Variants in MAJIN observed in about 807,000 individuals in gnomAD.
The protein encoded by MAJIN is membrane-anchored junction protein.
Under a neutral mutation model 30.2 loss-of-function variants are expected in MAJIN, and 27 were observed. The ratio of observed to expected loss-of-function variants is 0.89; its 90% CI spans 0.66 to 1.23. The LOEUF (loss-of-function observed/expected upper bound fraction) is 1.23, where lower values mean the gene tolerates loss of function less well. Ranked by LOEUF, MAJIN falls within the 50% of genes most tolerant of loss-of-function variation. The pLI is 0.00. For synonymous variants in MAJIN, 78 were observed against 91.6 expected, an observed-to-expected ratio of 0.85 and a Z score of 0.85; for missense variants, 253 against 260.3, an observed-to-expected ratio of 0.97 and a Z score of 0.19.
intron 6 of MAJIN, 67 bp downstream of exon 6, chr11:64,949,676 C>T (rs560430960): frequency 1.7e-3 from 2,605 of 1,575,348 alleles, no homozygotes; most frequent in Non-Finnish European, 2.1e-3. Flanking sequence ...GCCCCTTTCG[C>T]GATACCTAGC....
chr11:64,938,644 T>C (rs990454516), intron 10 of MAJIN, 71 bp from the exon 11 acceptor site: 4 of 1,482,480 alleles, frequency 2.7e-6, no homozygotes, highest in Admixed American at 2.0e-5. Flanking sequence ...TTCCCATTAG[T>C]GCTTCACTAG....
chr11:64,939,925 T>C, intron 9 of MAJIN, 158 bp from the exon 10 acceptor site: 1 of 589,610 alleles, frequency 1.7e-6, no homozygotes, highest in Non-Finnish European at 2.9e-6. Context: ...CAATTTCATC[T>C]CAGCTCAGTA....
chr11:64,959,484 G>A, intron 2 of MAJIN, 62 bp from the exon 3 acceptor site: 1 of 1,323,668 alleles, frequency 7.6e-7, no homozygotes, highest in Non-Finnish European at 1.1e-6. Flanking sequence ...TACAGGAAAG[G>A]GAACCTGCCC....
In MAJIN at chr11:64,949,820, TC is replaced by T; in HGVS notation, c.271del (p.Glu91LysfsTer4). ...AAATGGGTAGGGGATCAAGATAATTTCCCCATGTTTGAATTTCAGGTGGGAA... is the reference window on the plus strand; with the variant it reads ...AAATGGGTAGGGGATCAAGATAATTTCCCATGTTTGAATTTCAGGTGGGAA... ...RVSHLKFKHGEIILIPYPFVF... is the reference protein window; with the variant it reads ...RVSHLKFKHGXIILIPYPFVF... On this transcript the variant is annotated frameshift_variant, in exon 6 of 11. Transcript: ENST00000301896. LOFTEE classifies it high-confidence loss of function. 6.2e-7 allele frequency: 1 copy of T among 1,610,462 alleles called. No individual in the cohort carries two copies. Among genetic ancestry groups the T allele is most frequent in the South Asian group, 1.1e-5 (1 of 91,076 alleles).
intron 3 of MAJIN, among the ~76,000 whole-genome samples, chr11:64,958,750 G>T (rs187238292): frequency 1.4e-4 from 22 of 152,130 alleles, no homozygotes; most frequent in Admixed American, 1.4e-3. Flanking sequence ...CCAGGTTCAA[G>T]CAATTCTCCT....
In MAJIN at chr11:64,954,815, C is replaced by G. The variant is rs1038109316; in HGVS notation, c.102-13G>C. ...TATCTCTTCTCCTCTAGAAGGTAAACAGACAAGAGACAAGTAAGACATGAA... is the reference window on the plus strand; with the variant it reads ...TATCTCTTCTCCTCTAGAAGGTAAAGAGACAAGAGACAAGTAAGACATGAA... On this transcript the variant is annotated splice_polypyrimidine_tract_variant and intron_variant, in intron 3 of 10. Transcript: ENST00000301896. 4 of 1,602,602 alleles carry G rather than the reference C, an allele frequency of 2.5e-6. No homozygotes were observed. Among genetic ancestry groups the G allele is most frequent in the Non-Finnish European group, 2.6e-6 (3 of 1,175,152 alleles).
At chr11:64,950,203 G>T in intron 5 of MAJIN, 152 bp downstream of exon 5, 1 of 689,540 alleles carries the variant, frequency 1.5e-6, no homozygotes, top group Non-Finnish European at 2.4e-6. Context: ...GGTGGCATGT[G>T]CCTGTAATCC....
intron 10 of MAJIN, 142 bp from the exon 11 acceptor site, chr11:64,938,715 A>T: frequency 5.8e-6 from 5 of 862,586 alleles, no homozygotes; most frequent in Non-Finnish European, 9.0e-6. Context: ...TAGCATTTGA[A>T]AAGGTACCCA....
chr11:64,957,202 C>A (rs1166802898), intron 3 of MAJIN, among the ~76,000 whole-genome samples: 3 of 152,054 alleles, frequency 2.0e-5, no homozygotes, highest in Non-Finnish European at 4.4e-5. Context: ...CCTTAGCCTT[C>A]CAAGCAGCTG....
intron 10 of MAJIN, among the ~76,000 whole-genome samples, chr11:64,939,393 C>A (rs1945338690): frequency 6.6e-6 from 1 of 152,254 alleles, no homozygotes; most frequent in Admixed American, 6.5e-5. Flanking sequence ...AGCCACCCGG[C>A]CTGGCCCAAG....
Position 64,947,810 on chromosome 11 carries a change from A to G in MAJIN, c.359T>C (p.Ile120Thr). The G allele has an allele frequency of 6.2e-7, 1 of 1,602,322 alleles. No individual in the cohort carries two copies. The highest frequency in any genetic ancestry group is 1.1e-5 in the South Asian group (1 of 90,808). Residue 120 changes from isoleucine (I) to threonine (T), a missense_variant, in exon 7 of 11, where the codon ATA becomes ACA. Transcript: ENST00000301896. ...TACCAACCCAAGAGGACTGTCACTTATTGGTTTCCCTACAATAGGAAATTT... is the reference window on the plus strand; with the variant it reads ...TACCAACCCAAGAGGACTGTCACTTGTTGGTTTCCCTACAATAGGAAATTT... Reference protein sequence around the residue: ...FHENLSPGKPISDSPLGLVPV... With the variant: ...FHENLSPGKPTSDSPLGLVPV...
chr11:64,945,086 G>A lies in MAJIN; in HGVS notation c.473+2288C>T, dbSNP rs374828120. Among the ~76,000 whole-genome samples the A allele has an allele frequency of 6.6e-5, 10 of 152,226 alleles. No individual in the cohort carries two copies. In the East Asian group the frequency reaches 7.7e-4, roughly 12 times the overall value. Reference sequence around the variant, plus strand: ...AAAACTAGATGTTCCGGCTGGGCTCGGTGGCTCACGCCTGTAATCCCAGCA... The same window carrying A: ...AAAACTAGATGTTCCGGCTGGGCTCAGTGGCTCACGCCTGTAATCCCAGCA... On this transcript the variant is annotated intron_variant, in intron 8 of 10. Transcript: ENST00000301896.
intron 4 of MAJIN, among the ~76,000 whole-genome samples, chr11:64,951,493 A>T (rs1327675764): frequency 6.6e-6 from 1 of 152,230 alleles, no homozygotes; most frequent in Non-Finnish European, 1.5e-5. Context: ...TGGCCAGCGC[A>T]GTGGCTCATG....
intron 1 of MAJIN, among the ~76,000 whole-genome samples, chr11:64,966,996 C>T (rs968593259): frequency 2.0e-5 from 3 of 151,644 alleles, no homozygotes; most frequent in African/African-American, 7.3e-5. Flanking sequence ...ATATACTTGG[C>T]CAGGTGTTGT....
chr11:64,971,463 C>CG (rs1211055326), intron 1 of MAJIN, among the ~76,000 whole-genome samples: 16 of 138,956 alleles, frequency 1.2e-4, no homozygotes, highest in South Asian at 2.3e-4. Flanking sequence ...GAGGAAGTTG[C>CG]GGGGGGGCGG....
intron 8 of MAJIN, among the ~76,000 whole-genome samples, chr11:64,941,146 C>T (rs1014058035): frequency 3.9e-5 from 6 of 152,070 alleles, no homozygotes. Flanking sequence ...CCAGGACTGT[C>T]GTTTTTTCAT....
chr11:64,954,705 G>C, intron 4 of MAJIN, 52 bp downstream of exon 4: 6 of 1,550,542 alleles, frequency 3.9e-6, no homozygotes, highest in Non-Finnish European at 4.5e-6. Context: ...CCTGAATGTG[G>C]ATGCATCCTT....
intron 1 of MAJIN, among the ~76,000 whole-genome samples, chr11:64,964,339 C>T (rs953580492): frequency 3.3e-5 from 5 of 152,278 alleles, no homozygotes; most frequent in Admixed American, 1.3e-4. Flanking sequence ...GACTCATGAA[C>T]GCCTATAGCT....
intron 8 of MAJIN, among the ~76,000 whole-genome samples, chr11:64,941,496 A>G (rs1945378591): frequency 6.6e-6 from 1 of 152,108 alleles, no homozygotes; most frequent in African/African-American, 2.4e-5. Flanking sequence ...TCTCTACTAA[A>G]AATACAAAAA....
Sources: gnomAD v4.1 joint callset for allele counts (sites outside exome capture counted in the v4.1 genomes callset) on GRCh38, gnomAD v4.1.1 for gene constraint, MANE v1.5 for transcripts, NCBI Gene and HGNC (gene_info 2026-07-23, HGNC 2026-07-21) for gene names.